RBMS3: variants seen among roughly 807,000 people sequenced by gnomAD.
RBMS3 encodes the protein RNA-binding motif, single-stranded-interacting protein 3.
RBMS3 carries 27 observed loss-of-function variants against 66.8 expected under a neutral mutation model. The observed-to-expected ratio is 0.40, with a 90% CI of 0.30 to 0.56. The LOEUF (loss-of-function observed/expected upper bound fraction) is 0.56. Among genes scored for constraint, RBMS3 ranks in the 20% least tolerant of loss-of-function variants. The pLI, the probability that RBMS3 is intolerant of heterozygous loss-of-function variation, is 0.40. For missense variants in RBMS3, 513 were observed against 549.5 expected (o/e 0.93, Z 0.66); for synonymous variants, 188 against 183.0 (o/e 1.03, Z -0.22).
intron 5 of RBMS3, among the ~76,000 whole-genome samples, chr3:29,754,102 C>T (rs766922614): frequency 7.9e-5 from 12 of 151,922 alleles, no homozygotes; most frequent in African/African-American, 2.7e-4. Context: ...AGATTACAGG[C>T]GCCCACCACC....
chr3:29,495,224 A>G (rs2043696735), intron 3 of RBMS3, among the ~76,000 whole-genome samples: 1 of 151,968 alleles, frequency 6.6e-6, no homozygotes, highest in African/African-American at 2.4e-5. Context: ...GAGTGGTGTG[A>G]CTTTGTTACT....
chr3:29,355,983 C>T (rs73828623), intron 1 of RBMS3, among the ~76,000 whole-genome samples: 2,557 of 152,198 alleles, frequency 0.017, 78 homozygotes, highest in African/African-American at 0.058. Flanking sequence ...GGATATCTAT[C>T]GCAATAACTT....
At chr3:29,559,668 C>T (rs962672932) in intron 3 of RBMS3, among the ~76,000 whole-genome samples, 2 of 151,400 alleles carry the variant, frequency 1.3e-5, no homozygotes, top group Non-Finnish European at 1.5e-5. Flanking sequence ...CTATATAAAC[C>T]ATCTATTAAT....
chr3:29,708,065 C>G (rs2052991362), intron 4 of RBMS3, among the ~76,000 whole-genome samples: 1 of 152,152 alleles, frequency 6.6e-6, no homozygotes, highest in Non-Finnish European at 1.5e-5. Context: ...GAGTATCATG[C>G]CTTTTGCAAC....
chr3:29,432,941 C>T (rs2041263601), intron 1 of RBMS3, among the ~76,000 whole-genome samples: 1 of 152,094 alleles, frequency 6.6e-6, no homozygotes, highest in Non-Finnish European at 1.5e-5. Flanking sequence ...GGTGGGAAGC[C>T]ACTGCAGGAT....
chr3:29,597,150 T>C (rs2034911), intron 4 of RBMS3, among the ~76,000 whole-genome samples: 1 of 152,122 alleles, frequency 6.6e-6, no homozygotes, highest in Non-Finnish European at 1.5e-5. Context: ...CTTGCATATA[T>C]TTACATGTGT....
intron 14 of RBMS3, among the ~76,000 whole-genome samples, chr3:30,000,533 T>G (rs922685844): frequency 1.3e-5 from 2 of 152,146 alleles, no homozygotes; most frequent in African/African-American, 4.8e-5. Flanking sequence ...GCAATCCCAT[T>G]ACTGGGTATA....
intron 10 of RBMS3, among the ~76,000 whole-genome samples, chr3:29,928,988 A>G (rs1321378262): frequency 6.6e-6 from 1 of 152,214 alleles, no homozygotes; most frequent in Non-Finnish European, 1.5e-5. Flanking sequence ...GTGGCCTGGG[A>G]TCTTTCTCTA....
intron 6 of RBMS3, among the ~76,000 whole-genome samples, chr3:29,799,214 C>A (rs56373650): frequency 0.013 from 2,024 of 152,248 alleles, 34 homozygotes; most frequent in East Asian, 0.043. Flanking sequence ...ATGGTCAAAT[C>A]AATTCAAATA....
intron 4 of RBMS3, among the ~76,000 whole-genome samples, chr3:29,659,862 G>T (rs926177055): frequency 6.6e-6 from 1 of 151,950 alleles, no homozygotes; most frequent in Non-Finnish European, 1.5e-5. Context: ...GTGCACCAAG[G>T]GTTCTTATTT....
intron 4 of RBMS3, among the ~76,000 whole-genome samples, chr3:29,673,022 G>A (rs535891638): frequency 2.0e-5 from 3 of 151,894 alleles, no homozygotes; most frequent in Non-Finnish European, 4.4e-5. Context: ...CTCAGCAAAT[G>A]TAAAAGAACA....
intron 4 of RBMS3, among the ~76,000 whole-genome samples, chr3:29,704,464 A>C (rs987329048): frequency 6.6e-6 from 1 of 152,212 alleles, no homozygotes; most frequent in Non-Finnish European, 1.5e-5. Context: ...AAAGATAAAA[A>C]CAACCTTCCA....
chr3:29,891,756 G>C (rs927333838), intron 8 of RBMS3, among the ~76,000 whole-genome samples: 2 of 151,336 alleles, frequency 1.3e-5, no homozygotes, highest in African/African-American at 2.4e-5. Flanking sequence ...GTGGGCATTT[G>C]GTATTAAGCA....
chr3:29,364,569 C>G (rs1425781481), intron 1 of RBMS3, among the ~76,000 whole-genome samples: 2 of 152,086 alleles, frequency 1.3e-5, no homozygotes, highest in Admixed American at 1.3e-4. Flanking sequence ...TAACTAGCAG[C>G]AAAACATCAT....
At chr3:30,001,382 G>A (rs189369171) in intron 14 of RBMS3, among the ~76,000 whole-genome samples, 3 of 151,838 alleles carry the variant, frequency 2.0e-5, no homozygotes, top group East Asian at 3.9e-4. Context: ...CGTTTGTTAC[G>A]TTCCAATATA....
chr3:29,773,675 G>T (rs926059168), intron 6 of RBMS3, among the ~76,000 whole-genome samples: 3 of 152,076 alleles, frequency 2.0e-5, no homozygotes, highest in Non-Finnish European at 4.4e-5. Context: ...CTTTCATTAG[G>T]TAGACTGCCC....
intron 6 of RBMS3, among the ~76,000 whole-genome samples, chr3:29,838,762 T>C (rs1484770840): frequency 6.6e-6 from 1 of 152,192 alleles, no homozygotes; most frequent in East Asian, 1.9e-4. Flanking sequence ...AAAAACTGAA[T>C]GCAAATAGTG....
intron 6 of RBMS3, among the ~76,000 whole-genome samples, chr3:29,857,721 T>A (rs1439788605): frequency 6.6e-6 from 1 of 151,992 alleles, no homozygotes; most frequent in Non-Finnish European, 1.5e-5. Context: ...ACCAGTGAGG[T>A]AGACACTAGG....
At chr3:29,358,421 C>T (rs1246742194) in intron 1 of RBMS3, among the ~76,000 whole-genome samples, 1 of 152,124 alleles carries the variant, frequency 6.6e-6, no homozygotes, top group Non-Finnish European at 1.5e-5. Flanking sequence ...GTTTTGGTAC[C>T]AGTACCATGC....
Sources: allele counts gnomAD v4.1 joint callset (sites outside exome capture counted in the v4.1 genomes callset), GRCh38; gene constraint gnomAD v4.1.1; transcripts MANE v1.5; gene names NCBI Gene and HGNC (gene_info 2026-07-23, HGNC 2026-07-21).